PRKN: variants seen among roughly 807,000 people sequenced by gnomAD.
The protein encoded by PRKN is parkin RBR E3 ubiquitin protein ligase, also known as E3 ubiquitin-protein ligase parkin.
PRKN carries 56 observed loss-of-function variants against 59.5 expected under a neutral mutation model. The observed-to-expected ratio is 0.94, with a 90% confidence interval of 0.76 to 1.18. The LOEUF is 1.18. Among genes scored for constraint, PRKN ranks in the 50% most tolerant of loss-of-function variants. PRKN has a pLI of 0.00. For missense variants in PRKN, 657 were observed against 596.4 expected (o/e 1.10, Z -1.06); for synonymous variants, 250 against 222.1 (o/e 1.13, Z -1.12).
intron 3 of PRKN, among the ~76,000 whole-genome samples, chr6:162,215,558 T>C (rs1436022184): frequency 2.0e-5 from 3 of 152,242 alleles, no homozygotes; most frequent in Non-Finnish European, 4.4e-5. Context: ...AAATTGGTTA[T>C]AAATCTTCAT....
intron 1 of PRKN, chr6:162,568,514 G>A: frequency 1.4e-6 from 1 of 708,398 alleles, no homozygotes; most frequent in Non-Finnish European, 2.6e-6. Context: ...TGGTCAACCA[G>A]AGACTGCTGA....
At chr6:162,372,733 T>G in intron 2 of PRKN, among the ~76,000 whole-genome samples, 1 of 152,294 alleles carries the variant, frequency 6.6e-6, no homozygotes, top group African/African-American at 2.4e-5. Context: ...TATAAAAAAT[T>G]GTAAATTACA....
chr6:162,327,090 G>A (rs1001694773), intron 2 of PRKN, among the ~76,000 whole-genome samples: 1 of 152,064 alleles, frequency 6.6e-6, no homozygotes, highest in Non-Finnish European at 1.5e-5. Context: ...TTTAAACAAT[G>A]CTCATCTAAC....
chr6:162,156,778 A>G (rs1055148864), intron 4 of PRKN, among the ~76,000 whole-genome samples: 2 of 152,116 alleles, frequency 1.3e-5, no homozygotes, highest in African/African-American at 2.4e-5. Flanking sequence ...TCGACACTCA[A>G]TATTAACCAT....
chr6:162,391,883 C>T lies in PRKN; in HGVS notation c.171+51427G>A, dbSNP rs547019897. On this transcript the variant is annotated intron_variant, in intron 2 of 11. Coordinates refer to ENST00000366898, the MANE Select transcript of PRKN (RefSeq NM_004562.3). ...GTGCATTGTTTCTAAAAGGCCAACG[C>T]ATTACATTTTTCCTGAGAATAAATA... 5.3e-5 allele frequency among the ~76,000 whole-genome samples: 8 copies of T among 152,234 alleles called. No individual in the cohort carries two copies. In the South Asian group the frequency reaches 1.7e-3, roughly 32 times the overall value.
At chr6:162,365,617 T>TA (rs889489414) in intron 2 of PRKN, among the ~76,000 whole-genome samples, 34 of 152,316 alleles carry the variant, frequency 2.2e-4, no homozygotes, top group South Asian at 1.9e-3. Flanking sequence ...CTCTGTGGAA[T>TA]GTCCTGTCCC....
chr6:162,164,769 C>T lies in PRKN; in HGVS notation c.534+36362G>A, dbSNP rs941505193. ...TATTTTTTAAATTAAAATGATCTCA[C>T]CAAGCTTAATCATCTCTAAATCTAA... On this transcript the variant is annotated intron_variant, in intron 4 of 11. Transcript: ENST00000366898. Among the ~76,000 whole-genome samples the T allele has an allele frequency of 2.7e-5, 4 of 148,814 alleles. 1 individual carries two copies. The highest frequency in any genetic ancestry group is 5.9e-5 in the Non-Finnish European group (4 of 67,358).
At chr6:162,149,437 T>C (rs1782169646) in intron 4 of PRKN, among the ~76,000 whole-genome samples, 1 of 152,004 alleles carries the variant, frequency 6.6e-6, no homozygotes. Flanking sequence ...TAGAGACAGA[T>C]TGCACTGTGT....
intron 6 of PRKN, among the ~76,000 whole-genome samples, chr6:161,895,406 G>A (rs549391326): frequency 6.6e-6 from 1 of 152,328 alleles, no homozygotes; most frequent in South Asian, 2.1e-4. Flanking sequence ...GTGCTGACAA[G>A]GTGTGCAGGT....
intron 1 of PRKN, among the ~76,000 whole-genome samples, chr6:162,452,365 C>T (rs1178774233): frequency 6.6e-6 from 1 of 151,930 alleles, no homozygotes; most frequent in African/African-American, 2.4e-5. Flanking sequence ...AATTTTTTTG[C>T]TTTATTCAAC....
chr6:161,404,566 C>A (rs531709354), intron 9 of PRKN, among the ~76,000 whole-genome samples: 6 of 152,160 alleles, frequency 3.9e-5, no homozygotes, highest in Admixed American at 2.0e-4. Flanking sequence ...ATGGCATCTG[C>A]AAAATTTAGT....
In PRKN at chr6:161,468,368, G is replaced by T. The variant is rs1294357710; in HGVS notation, c.1083+80486C>A. 6.6e-6 allele frequency among the ~76,000 whole-genome samples: 1 copy of T among 151,930 alleles called. No homozygotes were observed. Among genetic ancestry groups the T allele is most frequent in the East Asian group, 1.9e-4 (1 of 5,186 alleles). On this transcript the variant is annotated intron_variant, in intron 9 of 11. Coordinates refer to ENST00000366898, the MANE Select transcript of PRKN (RefSeq NM_004562.3). The surrounding 1 kb of genome is among the most constrained non-coding windows in gnomAD (Gnocchi z 5.9). ...ACTACGCCAGGTGTAGACAGGAAGA[G>T]AGAAGAGGCAGTGGGTCTGGGAAAA...
At chr6:161,966,077 T>C (rs1015541788) in intron 6 of PRKN, among the ~76,000 whole-genome samples, 1 of 152,056 alleles carries the variant, frequency 6.6e-6, no homozygotes, top group Non-Finnish European at 1.5e-5. Flanking sequence ...TGTAGGGCCA[T>C]TTCAAGATAC....
chr6:161,540,165 C>T (rs530937242), intron 9 of PRKN, among the ~76,000 whole-genome samples: 30 of 152,204 alleles, frequency 2.0e-4, no homozygotes, highest in African/African-American at 7.2e-4. Context: ...CTTCTTCTGA[C>T]ATGGAAAACA....
intron 6 of PRKN, among the ~76,000 whole-genome samples, chr6:161,903,740 G>A (rs1217133050): frequency 2.0e-5 from 3 of 151,762 alleles, no homozygotes; most frequent in African/African-American, 4.8e-5. Flanking sequence ...TATGAGGAAA[G>A]AGATAAAGAA....
At chr6:161,882,412 A>G (rs1794971684) in intron 6 of PRKN, among the ~76,000 whole-genome samples, 1 of 152,132 alleles carries the variant, frequency 6.6e-6, no homozygotes, top group African/African-American at 2.4e-5. Context: ...TGCGGCAGGC[A>G]GTGAGCCGCC....
intron 2 of PRKN, among the ~76,000 whole-genome samples, chr6:162,393,200 C>T (rs1259538422): frequency 8.0e-6 from 1 of 125,584 alleles, no homozygotes; most frequent in South Asian, 2.6e-4. Flanking sequence ...CGCTCTGTTG[C>T]CCAGGCTGGA....
At chr6:162,573,526 T>C (rs182590894) in intron 1 of PRKN, among the ~76,000 whole-genome samples, 141 of 152,352 alleles carry the variant, frequency 9.3e-4, no homozygotes, top group African/African-American at 3.3e-3. Context: ...TTCTGTTTAC[T>C]GTCTCTTTTG....
chr6:162,535,684 A>G (rs1458895087), intron 1 of PRKN, among the ~76,000 whole-genome samples: 2 of 152,044 alleles, frequency 1.3e-5, no homozygotes, highest in African/African-American at 4.8e-5. Context: ...CGAGGTGGGC[A>G]GATCTCTTGA....
Sources: allele counts gnomAD v4.1 joint callset (sites outside exome capture counted in the v4.1 genomes callset), GRCh38; gene constraint gnomAD v4.1.1; non-coding constraint Gnocchi (gnomAD v3.1); transcripts MANE v1.5; gene names NCBI Gene and HGNC (gene_info 2026-07-23, HGNC 2026-07-21).